The following SMG6 variants were observed in gnomAD, a reference collection of about 807,000 sequenced individuals.
SMG6 encodes the protein SMG6 nonsense mediated mRNA decay factor.
In SMG6, 66 loss-of-function variants were observed where a neutral mutation model predicts 142.2. The observed-to-expected ratio is 0.46, with a 90% confidence interval of 0.38 to 0.57. The LOEUF (loss-of-function observed/expected upper bound fraction) is 0.57, where lower values mean the gene tolerates loss of function less well. SMG6 is among the 20% of genes least tolerant of loss of function. The pLI is 0.00. For synonymous variants in SMG6, 779 were observed against 702.4 expected (o/e 1.11, Z -1.72); for missense variants, 1,793 against 1,832.0 (o/e 0.98, Z 0.39).
At chr17:2,178,445 C>T (rs1218657950) in intron 12 of SMG6, among the ~76,000 whole-genome samples, 1 of 152,142 alleles carries the variant, frequency 6.6e-6, no homozygotes, top group Non-Finnish European at 1.5e-5. Flanking sequence ...ACCAACAAGT[C>T]GACTTGGGAC....
At chr17:2,247,708 G>A (rs1426442153) in intron 8 of SMG6, among the ~76,000 whole-genome samples, 1 of 152,096 alleles carries the variant, frequency 6.6e-6, no homozygotes, top group Non-Finnish European at 1.5e-5. Context: ...ACTTGAACTT[G>A]GGAGGCGGAG....
intron 4 of SMG6, 31 bp from the exon 5 acceptor site, chr17:2,293,008 GC>G: frequency 6.7e-7 from 1 of 1,492,020 alleles, no homozygotes; most frequent in South Asian, 1.1e-5. Context: ...TAGTAGAAAA[GC>G]CAAGAAACAC....
intron 10 of SMG6, among the ~76,000 whole-genome samples, chr17:2,189,177 C>A (rs892385151): frequency 3.9e-5 from 6 of 152,138 alleles, no homozygotes; most frequent in South Asian, 4.1e-4. Context: ...CTTCCCCTAG[C>A]GCTAAAAAAT....
chr17:2,303,122 GGATCCCTCCA>G (rs2075322231), intron 1 of SMG6: 1 of 985,308 alleles, frequency 1.0e-6, no homozygotes, highest in African/African-American at 1.7e-5. Flanking sequence ...CTGAGGTCCC[GGATCCCTCCA>G]GTGGCGCAGC....
chr17:2,204,460 C>G (rs140494232), intron 10 of SMG6, among the ~76,000 whole-genome samples: 3 of 152,324 alleles, frequency 2.0e-5, no homozygotes, highest in Non-Finnish European at 4.4e-5. Flanking sequence ...AATGTCCAAA[C>G]CAAACTGCGA....
intron 13 of SMG6, among the ~76,000 whole-genome samples, chr17:2,117,094 T>TA (rs2069530608): frequency 7.2e-6 from 1 of 138,306 alleles, no homozygotes; most frequent in African/African-American, 2.9e-5. Context: ...GTATGGCTTT[T>TA]AAATTTTTTT....
At chr17:2,152,519 G>C (rs924202147) in intron 13 of SMG6, among the ~76,000 whole-genome samples, 1 of 152,140 alleles carries the variant, frequency 6.6e-6, no homozygotes, top group Non-Finnish European at 1.5e-5. Context: ...AAAATAATCC[G>C]ATTTAACAAT....
At chr17:2,165,204 CA>C (rs1357620382) in intron 13 of SMG6, among the ~76,000 whole-genome samples, 1 of 151,762 alleles carries the variant, frequency 6.6e-6, no homozygotes, top group African/African-American at 2.4e-5. Flanking sequence ...GAAAGTGGCC[CA>C]ATGACAGAAT....
intron 10 of SMG6, among the ~76,000 whole-genome samples, chr17:2,195,273 AC>A (rs2072290152): frequency 6.6e-6 from 1 of 152,082 alleles, no homozygotes; most frequent in Non-Finnish European, 1.5e-5. Flanking sequence ...CCCACATGAC[AC>A]CCTTCCCCTA....
intron 13 of SMG6, among the ~76,000 whole-genome samples, chr17:2,097,223 C>T (rs867273684): frequency 1.3e-5 from 2 of 151,716 alleles, no homozygotes; most frequent in African/African-American, 2.4e-5. Flanking sequence ...GGCACAATCA[C>T]GGCTCACTAC....
intron 13 of SMG6, among the ~76,000 whole-genome samples, chr17:2,136,197 G>T (rs943584953): frequency 6.6e-6 from 1 of 151,946 alleles, no homozygotes; most frequent in East Asian, 1.9e-4. Flanking sequence ...GAGTAGCTGG[G>T]ATTACAGGCA....
At chr17:2,247,864 C>T (rs1333215319) in intron 8 of SMG6, among the ~76,000 whole-genome samples, 3 of 150,830 alleles carry the variant, frequency 2.0e-5, no homozygotes, top group African/African-American at 7.3e-5. Flanking sequence ...GAGGTTGAGG[C>T]GGGTAGATCA....
Position 2,300,753 on chromosome 17 carries a change from G to C in SMG6, c.89-89C>G, listed in dbSNP as rs150414208. The C allele has an allele frequency of 1.6e-4, 202 of 1,257,708 alleles. No homozygotes were observed. The African/African-American group carries it at 2.8e-3, about 18-fold the overall frequency. 77.9% of individuals were successfully genotyped at this position (1,257,708 alleles called of 1,614,324 possible). On this transcript the variant is annotated intron_variant, in intron 1 of 18. Transcript: ENST00000263073. ...GGGGAAAGACTGTCATTCTGGTTAA[G>C]TAACAAAAAAAGTCGAGCAAGAATT...
At chr17:2,161,130 G>A (rs946641578) in intron 13 of SMG6, among the ~76,000 whole-genome samples, 1 of 147,882 alleles carries the variant, frequency 6.8e-6, no homozygotes, top group African/African-American at 2.5e-5. Flanking sequence ...TTTTAGAGAT[G>A]GAGTTTTGCT....
intron 8 of SMG6, among the ~76,000 whole-genome samples, chr17:2,258,139 T>C (rs1008001132): frequency 1.3e-5 from 2 of 151,848 alleles, no homozygotes; most frequent in Non-Finnish European, 2.9e-5. Context: ...CTAAGCACTT[T>C]GCGTCTGTTA....
At chr17:2,298,808 T>G (rs1490598887) in intron 2 of SMG6, 98 bp downstream of exon 2, 1 of 1,106,162 alleles carries the variant, frequency 9.0e-7, no homozygotes, top group Non-Finnish European at 1.3e-6. Flanking sequence ...TAATACCCAG[T>G]GGCTCAGCTA....
At chr17:2,263,829 A>G (rs1205683110) in intron 8 of SMG6, among the ~76,000 whole-genome samples, 1 of 152,242 alleles carries the variant, frequency 6.6e-6, no homozygotes, top group African/African-American at 2.4e-5. Flanking sequence ...CATATTCTCT[A>G]TCTTAGCTCA....
chr17:2,160,648 A>C (rs999212120), intron 13 of SMG6, among the ~76,000 whole-genome samples: 1 of 152,142 alleles, frequency 6.6e-6, no homozygotes, highest in African/African-American at 2.4e-5. Flanking sequence ...CAGGCAACAT[A>C]GTGGGACCCC....
chr17:2,237,486 T>A, intron 9 of SMG6: 1 of 985,216 alleles, frequency 1.0e-6, no homozygotes, highest in Non-Finnish European at 1.2e-6. Flanking sequence ...CCTTGAAGAA[T>A]GCCTAGACCT....
Sources: allele counts gnomAD v4.1 joint callset (sites outside exome capture counted in the v4.1 genomes callset), GRCh38; gene constraint gnomAD v4.1.1; transcripts MANE v1.5; gene names NCBI Gene and HGNC (gene_info 2026-07-23, HGNC 2026-07-21).